The following FSTL5 variants were observed in gnomAD, a reference collection of about 807,000 sequenced individuals.
The protein encoded by FSTL5 is follistatin like 5.
In FSTL5, 62 loss-of-function variants were observed where a neutral mutation model predicts 89.1. That is an observed-to-expected ratio of 0.70 (90% CI 0.57 to 0.86). FSTL5 has a LOEUF of 0.86. Ranked by LOEUF, FSTL5 falls within the 40% of genes least tolerant of loss-of-function variation. FSTL5 has a pLI of 0.00. For synonymous variants in FSTL5, 383 were observed against 346.2 expected (o/e 1.11, Z -1.18); for missense variants, 1,057 against 1,001.6 (o/e 1.06, Z -0.75).
intron 3 of FSTL5, among the ~76,000 whole-genome samples, chr4:162,001,847 C>T (rs2111107616): frequency 6.6e-6 from 1 of 152,200 alleles, no homozygotes; most frequent in East Asian, 1.9e-4. Flanking sequence ...ATTTTTTCTC[C>T]TTTTTCTTTT....
At chr4:162,151,002 G>T (rs1015829140) in intron 1 of FSTL5, among the ~76,000 whole-genome samples, 4 of 151,956 alleles carry the variant, frequency 2.6e-5, no homozygotes, top group Admixed American at 2.6e-4. Context: ...TCAACTAATT[G>T]CAAAAATGCC....
At chr4:162,004,522 G>T (rs914377245) in intron 3 of FSTL5, among the ~76,000 whole-genome samples, 2 of 151,946 alleles carry the variant, frequency 1.3e-5, no homozygotes, top group Non-Finnish European at 2.9e-5. Flanking sequence ...ATTCCTCAGG[G>T]TTTTTGCTCT....
intron 3 of FSTL5, among the ~76,000 whole-genome samples, chr4:162,032,334 T>C (rs112189270): frequency 9.9e-5 from 15 of 152,100 alleles, no homozygotes; most frequent in African/African-American, 3.4e-4. Flanking sequence ...ATACAGCACA[T>C]CTTGAAGTAA....
chr4:161,421,605 T>G (rs1194651148), intron 15 of FSTL5, among the ~76,000 whole-genome samples: 1 of 152,172 alleles, frequency 6.6e-6, no homozygotes, highest in Non-Finnish European at 1.5e-5. Flanking sequence ...GATCCCCAGA[T>G]AGCTGATTGA....
intron 6 of FSTL5, among the ~76,000 whole-genome samples, chr4:161,668,363 CA>C (rs898862223): frequency 2.0e-5 from 3 of 152,136 alleles, no homozygotes; most frequent in African/African-American, 7.2e-5. Flanking sequence ...TGAAAGAAAT[CA>C]CATTACTTAT....
chr4:161,850,355 T>C (rs1397487216), intron 4 of FSTL5, among the ~76,000 whole-genome samples: 2 of 151,816 alleles, frequency 1.3e-5, no homozygotes, highest in Non-Finnish European at 2.9e-5. Flanking sequence ...CTGTGCACTG[T>C]CATGGATTTT....
chr4:161,576,017 T>A lies in FSTL5; in HGVS notation c.1015+11438A>T, dbSNP rs865791704. Among the ~76,000 whole-genome samples the A allele has an allele frequency of 2.6e-5, 4 of 152,140 alleles. No homozygotes were observed. The South Asian group carries it at 6.2e-4, about 24-fold the overall frequency. On this transcript the variant is annotated intron_variant, in intron 8 of 15. Coordinates refer to ENST00000306100, the MANE Select transcript of FSTL5 (RefSeq NM_020116.5). ...TGCAAAAATCACAACCATTCCTATATACCAACAACAGACAAATAAAGAGCC... is the reference window on the plus strand; with the variant it reads ...TGCAAAAATCACAACCATTCCTATAAACCAACAACAGACAAATAAAGAGCC...
intron 4 of FSTL5, among the ~76,000 whole-genome samples, chr4:161,860,977 C>T (rs1731892696): frequency 6.6e-6 from 1 of 151,986 alleles, no homozygotes; most frequent in African/African-American, 2.4e-5. Flanking sequence ...AAGATAATAC[C>T]TTTAAAAGAA....
intron 3 of FSTL5, among the ~76,000 whole-genome samples, chr4:162,011,648 C>G (rs1306650639): frequency 6.6e-6 from 1 of 152,118 alleles, no homozygotes; most frequent in Non-Finnish European, 1.5e-5. Context: ...CAACTGCCAC[C>G]ATGCCCAGCT....
At chr4:161,561,528 T>A (rs1379291048) in intron 8 of FSTL5, among the ~76,000 whole-genome samples, 1 of 151,950 alleles carries the variant, frequency 6.6e-6, no homozygotes, top group Non-Finnish European at 1.5e-5. Context: ...CGAGTTAAGA[T>A]AGTGGTGAGG....
intron 6 of FSTL5, among the ~76,000 whole-genome samples, chr4:161,715,180 A>AT (rs1289813825): frequency 1.3e-5 from 2 of 152,178 alleles, no homozygotes; most frequent in African/African-American, 4.8e-5. Context: ...CTTGTGAAGC[A>AT]TTTACCATAT....
intron 2 of FSTL5, among the ~76,000 whole-genome samples, chr4:162,068,668 A>G (rs569441984): frequency 4.1e-4 from 62 of 152,256 alleles, no homozygotes; most frequent in Admixed American, 7.9e-4. Flanking sequence ...AACCACCAAA[A>G]GCAACTGCAA....
chr4:161,832,501 A>T (rs1730880357), intron 4 of FSTL5, among the ~76,000 whole-genome samples: 2 of 152,138 alleles, frequency 1.3e-5, no homozygotes, highest in South Asian at 4.1e-4. Flanking sequence ...CTGTGAATCC[A>T]TCTGGTCCTG....
intron 3 of FSTL5, among the ~76,000 whole-genome samples, chr4:161,931,979 T>C (rs1241230671): frequency 1.3e-5 from 2 of 151,942 alleles, no homozygotes; most frequent in African/African-American, 2.4e-5. Flanking sequence ...TCAGCAAAAC[T>C]CAGTCATTTC....
At chr4:161,859,235 C>A (rs1460614819) in intron 4 of FSTL5, among the ~76,000 whole-genome samples, 1 of 152,194 alleles carries the variant, frequency 6.6e-6, no homozygotes, top group Admixed American at 6.5e-5. Context: ...TAGATGGGAA[C>A]TTCTACTCTG....
chr4:161,875,635 T>A (rs1401053127), intron 4 of FSTL5, among the ~76,000 whole-genome samples: 3 of 152,194 alleles, frequency 2.0e-5, no homozygotes, highest in South Asian at 2.1e-4. Context: ...TTTCAATAAA[T>A]CCCTGCTTTC....
At chr4:161,456,974 TAA>T (rs1733375886) in intron 14 of FSTL5, among the ~76,000 whole-genome samples, 1 of 152,096 alleles carries the variant, frequency 6.6e-6, no homozygotes. Flanking sequence ...GCTAGCAGCC[TAA>T]AAAAACGTAG....
intron 3 of FSTL5, among the ~76,000 whole-genome samples, chr4:161,998,844 TAA>T (rs976263215): frequency 8.0e-6 from 1 of 125,774 alleles, no homozygotes; most frequent in African/African-American, 3.1e-5. Context: ...GTGAAGCAGT[TAA>T]ACACACACAC....
intron 3 of FSTL5, among the ~76,000 whole-genome samples, chr4:161,981,565 CCT>C (rs1735827818): frequency 6.6e-6 from 1 of 152,100 alleles, no homozygotes; most frequent in African/African-American, 2.4e-5. Context: ...CCCATATTTT[CCT>C]CTTTTACCCT....
Sources: gnomAD v4.1 joint callset for allele counts (sites outside exome capture counted in the v4.1 genomes callset) on GRCh38, gnomAD v4.1.1 for gene constraint, MANE v1.5 for transcripts, NCBI Gene and HGNC (gene_info 2026-07-23, HGNC 2026-07-21) for gene names.